FAM117A: variants seen among roughly 807,000 people sequenced by gnomAD.
The protein encoded by FAM117A is protein FAM117A.
A neutral mutation model predicts 44.1 loss-of-function variants in FAM117A; 21 were observed. The ratio of observed to expected loss-of-function variants is 0.48; its 90% confidence interval spans 0.34 to 0.69. The LOEUF (loss-of-function observed/expected upper bound fraction) is 0.69. Among genes scored for constraint, FAM117A ranks in the 30% least tolerant of loss-of-function variants. The probability of loss-of-function intolerance (pLI) is 0.01; values close to 1 mark genes in which losing one functional copy is unlikely to be tolerated. For missense variants in FAM117A, 498 were observed against 589.9 expected, an observed-to-expected ratio of 0.84 and a Z score of 1.61; for synonymous variants, 220 against 238.3, an observed-to-expected ratio of 0.92 and a Z score of 0.71.
chr17:49,782,593 G>A (rs1598040215), intron 1 of FAM117A, among the ~76,000 whole-genome samples: 1 of 151,066 alleles, frequency 6.6e-6, no homozygotes, highest in East Asian at 2.0e-4. Flanking sequence ...GGGAGGCTGA[G>A]GCAGGAGAAT....
At chr17:49,785,184 C>T (rs1206872055) in intron 1 of FAM117A, among the ~76,000 whole-genome samples, 1 of 152,222 alleles carries the variant, frequency 6.6e-6, no homozygotes, top group African/African-American at 2.4e-5. Flanking sequence ...AATGTCCCCA[C>T]ATCACAGGTG....
intron 1 of FAM117A, among the ~76,000 whole-genome samples, chr17:49,761,573 T>C (rs1020478625): frequency 1.1e-4 from 17 of 152,170 alleles, no homozygotes; most frequent in African/African-American, 4.1e-4. Flanking sequence ...GCCACACAAC[T>C]AGTAAATGGC....
At chr17:49,720,518 T>A in intron 3 of FAM117A, 82 bp from the exon 4 acceptor site, 1 of 1,007,754 alleles carries the variant, frequency 9.9e-7, no homozygotes, top group Non-Finnish European at 1.6e-6. Flanking sequence ...GAGTGGCTCC[T>A]GGCAGAGGCC....
chr17:49,758,399 G>A (rs957530900), intron 1 of FAM117A, among the ~76,000 whole-genome samples: 7 of 151,516 alleles, frequency 4.6e-5, no homozygotes, highest in African/African-American at 1.5e-4. Context: ...GCTGAGGCGG[G>A]TGGATCACAA....
At chr17:49,744,071 CT>C (rs2073645061) in intron 1 of FAM117A, among the ~76,000 whole-genome samples, 1 of 152,184 alleles carries the variant, frequency 6.6e-6, no homozygotes, top group South Asian at 2.1e-4. Flanking sequence ...CAAACCATGA[CT>C]TATTTTTGGC....
intron 1 of FAM117A, among the ~76,000 whole-genome samples, chr17:49,769,707 A>AAAATAAAT (rs539399967): frequency 2.6e-5 from 4 of 151,868 alleles, no homozygotes; most frequent in Non-Finnish European, 5.9e-5. Context: ...TCCGTCTCAA[A>AAAATAAAT]AAATAAATAA....
chr17:49,785,392 G>A (rs544347110), intron 1 of FAM117A, among the ~76,000 whole-genome samples: 2 of 152,236 alleles, frequency 1.3e-5, no homozygotes, highest in Admixed American at 6.5e-5. Flanking sequence ...TGTACCTGTA[G>A]TCCTAGCTAC....
chr17:49,751,868 C>T (rs1279375314), intron 1 of FAM117A, among the ~76,000 whole-genome samples: 1 of 142,284 alleles, frequency 7.0e-6, no homozygotes, highest in African/African-American at 2.6e-5. Context: ...TGCTTGAACC[C>T]GGGAGATGGA....
At chr17:49,750,439 A>G (rs144058124) in intron 1 of FAM117A, among the ~76,000 whole-genome samples, 4 of 149,118 alleles carry the variant, frequency 2.7e-5, no homozygotes, top group Non-Finnish European at 6.1e-5. Flanking sequence ...TTCTTTGCCA[A>G]CAATGCAAAC....
intron 2 of FAM117A, among the ~76,000 whole-genome samples, chr17:49,727,390 A>G (rs2073564773): frequency 6.6e-6 from 1 of 152,232 alleles, no homozygotes; most frequent in African/African-American, 2.4e-5. Flanking sequence ...CTTGGGCGAC[A>G]GGGCGAGACT....
upstream of FAM117A, chr17:49,764,133 G>A (rs765814530): frequency 3.0e-6 from 3 of 1,002,684 alleles, no homozygotes; most frequent in Admixed American, 3.2e-5. Context: ...GACTCACACA[G>A]CCCCCCAACC....
At chr17:49,720,941 C>T (rs992953242) in intron 3 of FAM117A, among the ~76,000 whole-genome samples, 1 of 152,160 alleles carries the variant, frequency 6.6e-6, no homozygotes, top group African/African-American at 2.4e-5. Flanking sequence ...TCTTGAACTC[C>T]TTACCTCGTG....
chr17:49,724,214 C>T (rs966129394), intron 2 of FAM117A, among the ~76,000 whole-genome samples: 2 of 152,094 alleles, frequency 1.3e-5, no homozygotes, highest in African/African-American at 4.8e-5. Context: ...ACAAAGGATC[C>T]TCTCCTCAAG....
intron 2 of FAM117A, chr17:49,724,551 G>A (rs1452176334): frequency 2.2e-6 from 1 of 451,848 alleles, no homozygotes; most frequent in African/African-American, 2.0e-5. Flanking sequence ...AAGGATGTGA[G>A]GCTGGGGGTG....
intron 1 of FAM117A, among the ~76,000 whole-genome samples, chr17:49,753,938 G>T (rs887156524): frequency 1.3e-5 from 2 of 152,096 alleles, no homozygotes; most frequent in Non-Finnish European, 2.9e-5. Context: ...CTGTGAACAC[G>T]GAACTACTCC....
At chr17:49,718,643 C>T (rs2073516994) in intron 5 of FAM117A, among the ~76,000 whole-genome samples, 1 of 149,564 alleles carries the variant, frequency 6.7e-6, no homozygotes, top group African/African-American at 2.5e-5. Flanking sequence ...TGCACTCCAG[C>T]CTGGGCGACA....
intron 1 of FAM117A, among the ~76,000 whole-genome samples, chr17:49,784,890 C>T (rs2073801082): frequency 6.6e-6 from 1 of 152,098 alleles, no homozygotes; most frequent in South Asian, 2.1e-4. Flanking sequence ...GTGCCTGGTA[C>T]CTGGGTGATT....
intron 1 of FAM117A, chr17:49,773,526 A>C (rs1238035013): frequency 6.6e-6 from 1 of 152,066 alleles, no homozygotes; most frequent in African/African-American, 2.4e-5. Context: ...ATTGTTGTAC[A>C]TAACTACAAA....
chr17:49,744,315 T>C (rs1344761883), intron 1 of FAM117A, among the ~76,000 whole-genome samples: 2 of 152,190 alleles, frequency 1.3e-5, no homozygotes, highest in Non-Finnish European at 2.9e-5. Flanking sequence ...GTTTTTGCTC[T>C]GTTGCCCAGG....
Sources: allele counts gnomAD v4.1 joint callset (sites outside exome capture counted in the v4.1 genomes callset), GRCh38; gene constraint gnomAD v4.1.1; transcripts MANE v1.5; gene names NCBI Gene and HGNC (gene_info 2026-07-23, HGNC 2026-07-21).